Variants in ARAP3 observed in about 807,000 individuals in gnomAD.
ARAP3 encodes arf-GAP with Rho-GAP domain, ANK repeat and PH domain-containing protein 3.
A neutral mutation model predicts 169.2 loss-of-function variants in ARAP3; 82 were observed. The observed-to-expected ratio is 0.48, with a 90% confidence interval of 0.41 to 0.58. ARAP3 has a LOEUF of 0.58. Ranked by LOEUF, ARAP3 falls within the 20% of genes least tolerant of loss-of-function variation. The probability of loss-of-function intolerance (pLI) is 0.00; values close to 1 mark genes in which losing one functional copy is unlikely to be tolerated. For synonymous variants in ARAP3, 791 were observed against 800.3 expected (o/e 0.99, Z 0.20); for missense variants, 1,764 against 2,018.0 (o/e 0.87, Z 2.41).
At chr5:141,678,152 T>C (rs894372847) in intron 4 of ARAP3, among the ~76,000 whole-genome samples, 63 of 152,292 alleles carry the variant, frequency 4.1e-4, no homozygotes, top group African/African-American at 1.4e-3. Context: ...GGTTTCACCA[T>C]GTTGACTAGG....
chr5:141,660,115 T>G (rs1199591281), intron 21 of ARAP3, among the ~76,000 whole-genome samples, 189 bp from the exon 22 acceptor site: 1 of 152,192 alleles, frequency 6.6e-6, no homozygotes. Context: ...AAGGGACAGA[T>G]AGTAGACATT....
chr5:141,664,650 C>T (rs903007913), intron 19 of ARAP3, among the ~76,000 whole-genome samples: 2 of 152,180 alleles, frequency 1.3e-5, no homozygotes, highest in Non-Finnish European at 2.9e-5. Context: ...AGGCCCTGCG[C>T]TCAAGGCTTG....
intron 4 of ARAP3, among the ~76,000 whole-genome samples, chr5:141,676,660 C>G (rs2099912227): frequency 6.6e-6 from 1 of 152,172 alleles, no homozygotes; most frequent in African/African-American, 2.4e-5. Context: ...CCTATGACAT[C>G]ACATTCTCCT....
rs922451874 is a variant in ARAP3 at position 141,654,178 on chromosome 5, G to A, written c.4407C>T (p.Pro1469=). The part of the protein sequence containing the change: ...EERPPEPPPG[P]PSKSSPQARG... Reference sequence around the variant, plus strand: ...GTGCCTGGGGACTGCTCTTTGAAGGGGGGCCTGGAGGGGGCTCAGGTGGCC... The same window carrying A: ...GTGCCTGGGGACTGCTCTTTGAAGGAGGGCCTGGAGGGGGCTCAGGTGGCC... Residue 1469 remains proline (P), a synonymous_variant, in exon 33 of 33, where the codon CCC becomes CCT. Transcript: ENST00000239440. The A allele has an allele frequency of 1.9e-6, 3 of 1,613,932 alleles. No homozygotes were observed. The highest frequency in any genetic ancestry group is 3.3e-4 in the Middle Eastern group (2 of 6,062).
Position 141,655,385 on chromosome 5 carries a change from G to T in ARAP3, c.4126C>A (p.Arg1376=). 6.3e-7 allele frequency: 1 copy of T among 1,585,470 alleles called. No homozygotes were observed. ...ACAAAGAACATGGACAGGGTCCTCC[G>T]GTTGTGTAGTCGCCGCTGGACACAG... ...ANQTLRRLHN[R]RTLSMFFPMK... The change falls in exon 32 of 33, where the codon CGG becomes AGG. Residue 1376 remains arginine (R), a synonymous_variant. Transcript: ENST00000239440.
intron 2 of ARAP3, 56 bp from the exon 3 acceptor site, chr5:141,679,878 A>T (rs2099912738): frequency 6.2e-7 from 1 of 1,610,792 alleles, no homozygotes; most frequent in Admixed American, 1.7e-5. Flanking sequence ...ACAAGCCTTC[A>T]TGCCCTGCTC....
At chr5:141,667,481 TGGAGTA>T (rs2099910817) in intron 16 of ARAP3, among the ~76,000 whole-genome samples, 2 of 149,300 alleles carry the variant, frequency 1.3e-5, no homozygotes, top group African/African-American at 4.9e-5. Flanking sequence ...TCTCCCAGGG[TGGAGTA>T]CAGTGGCATG....
In ARAP3 at chr5:141,672,968, A is replaced by C. The variant is rs767766335; in HGVS notation, c.1094-43T>G. On this transcript the variant is annotated intron_variant, in intron 7 of 32. Transcript: ENST00000239440. The surrounding 1 kb of genome is among the most constrained non-coding windows in gnomAD (Gnocchi z 4.9). ...GCAGGTCAGTGGCTGTTGCTCACACAGCCTCCCTCCCTCCTGCCCTGACTC... is the reference window on the plus strand; with the variant it reads ...GCAGGTCAGTGGCTGTTGCTCACACCGCCTCCCTCCCTCCTGCCCTGACTC... The C allele has an allele frequency of 9.3e-6, 15 of 1,612,664 alleles. No individual in the cohort carries two copies. Among genetic ancestry groups the C allele is most frequent in the Non-Finnish European group, 1.3e-5 (15 of 1,179,198 alleles).
chr5:141,665,052 G>A lies in ARAP3; in HGVS notation c.2670C>T (p.Asp890=). The A allele has an allele frequency of 1.9e-6, 3 of 1,613,702 alleles. No homozygotes were observed. The highest frequency in any genetic ancestry group is 2.5e-6 in the Non-Finnish European group (3 of 1,179,818). Residue 890 remains aspartate, a synonymous_variant, in exon 19 of 33, where the codon GAC becomes GAT. Transcript: ENST00000239440. ...CAATGGCTGCGTTCCATGCCGTGAA[G>A]TCCAGCCGGCCCTCTCCTTGCAGAT... ...TLYLQGEGRL[D]FTAWNAAIGG... is the part of the protein sequence containing the mutation.
chr5:141,667,038 T>G (rs1191480308), intron 16 of ARAP3, among the ~76,000 whole-genome samples: 1 of 152,054 alleles, frequency 6.6e-6, no homozygotes, highest in Non-Finnish European at 1.5e-5. Context: ...GCCTCCTGAG[T>G]AGCTGGGACT....
intron 16 of ARAP3, 83 bp from the exon 17 acceptor site, chr5:141,666,726 T>G: frequency 7.6e-6 from 5 of 656,498 alleles, no homozygotes; most frequent in South Asian, 4.8e-5. Context: ...GTGACCGGGG[T>G]AGCGAAAAGC....
chr5:141,658,315 A>T, intron 25 of ARAP3, 50 bp downstream of exon 25: 1 of 1,578,572 alleles, frequency 6.3e-7, no homozygotes, highest in Non-Finnish European at 8.7e-7. Flanking sequence ...CCACACAACC[A>T]CACACACGCA....
intron 16 of ARAP3, among the ~76,000 whole-genome samples, chr5:141,668,997 T>C (rs961746388): frequency 2.0e-5 from 3 of 152,166 alleles, no homozygotes; most frequent in Non-Finnish European, 2.9e-5. Context: ...TGTCTTAGGA[T>C]GGGAGAGACT....
chr5:141,674,444 G>C (rs146131288), intron 4 of ARAP3, among the ~76,000 whole-genome samples: 1 of 152,142 alleles, frequency 6.6e-6, no homozygotes, highest in African/African-American at 2.4e-5. Context: ...TTTTAGTAGA[G>C]ATGAGGTCTC....
In ARAP3 at chr5:141,666,633, G is replaced by A. The variant is rs2099910683; in HGVS notation, c.2363C>T (p.Pro788Leu). 6 of 1,426,002 alleles carry A rather than the reference G, an allele frequency of 4.2e-6. No homozygotes were observed. The highest frequency in any genetic ancestry group is 5.5e-6 in the Non-Finnish European group (6 of 1,082,674). The allele number at this position is 1,426,002 out of a possible 1,614,324, so 88.3% of individuals were successfully genotyped here. A position where few individuals can be genotyped will look rare whatever the true frequency, so the allele number is the denominator to read the frequency against. Residue 788 changes from proline to leucine, a missense_variant, in exon 17 of 33, where the codon CCG becomes CTG. By Grantham distance (98) the Pro-to-Leu change is moderately conservative. Around this residue, in one of 3 missense-constraint regions of ARAP3, gnomAD observed 1,112 missense variants for 1,285.7 expected, o/e 0.86. Transcript: ENST00000239440. ...GCCCAGCAGCTGGTGGCAGCTCAGC[G>A]GGGAGAACCACTGTAGAGGCAGGGG... ...WTSAVGKWFSPLSCHQLLGPG... is the reference protein window; with the variant it reads ...WTSAVGKWFSLLSCHQLLGPG...
At chr5:141,670,095 A>G (rs746629542) in intron 14 of ARAP3, 32 bp from the exon 15 acceptor site, 10 of 1,579,990 alleles carry the variant, frequency 6.3e-6, no homozygotes. Flanking sequence ...AGGGAGCAGC[A>G]GACCTCTGCC....
chr5:141,671,494 A>G lies in ARAP3; in HGVS notation c.1854+76T>C, dbSNP rs765516800. The G allele has an allele frequency of 2.7e-5, 44 of 1,605,220 alleles. No homozygotes were observed. Among genetic ancestry groups the G allele is most frequent in the Non-Finnish European group, 3.7e-5 (43 of 1,175,976 alleles). On this transcript the variant is annotated intron_variant, in intron 12 of 32. Coordinates refer to ENST00000239440, the MANE Select transcript of ARAP3 (RefSeq NM_022481.6). The surrounding 1 kb of genome is among the most constrained non-coding windows in gnomAD (Gnocchi z 4.9). ...TCACTAAAAACAGTCCCCACCACCC[A>G]AGTCTAGGCATTCCAACTCCAGAGA...
chr5:141,665,014 C>T lies in ARAP3; in HGVS notation c.2708G>A (p.Gly903Asp). ...AWNAAIGGAA[G>D]GGGTGLQEQQ... is the part of the protein sequence containing the mutation. ...CTCCTGCAGCCCTGTGCCGCCCCCA[C>T]CAGCCGCGCCCCCAATGGCTGCGTT... Residue 903 changes from glycine (G) to aspartate (D), a missense_variant, in exon 19 of 33, where the codon GGT (glycine) becomes GAT (aspartate). By Grantham distance (94) the Gly-to-Asp change is moderately conservative (BLOSUM62 -1). Around this residue, in one of 3 missense-constraint regions of ARAP3, gnomAD observed 1,112 missense variants for 1,285.7 expected, o/e 0.86. Transcript: ENST00000239440. 3 of 1,614,060 alleles carry T rather than the reference C, an allele frequency of 1.9e-6. No homozygotes were observed. Among genetic ancestry groups the T allele is most frequent in the Non-Finnish European group, 2.5e-6 (3 of 1,180,000 alleles).
At position 141,672,357 on chromosome 5, in the gene ARAP3, C is replaced by G. The variant is rs1304447199; in HGVS notation, c.1386-56G>C. 1 of 1,599,634 alleles carries G rather than the reference C, an allele frequency of 6.3e-7. No individual in the cohort carries two copies. Among genetic ancestry groups the G allele is most frequent in the Non-Finnish European group, 8.5e-7 (1 of 1,171,692 alleles). ...GGACCTACCTGCCATGTCCCATCCC[C>G]CTGGCTCTTCCTGCAGGAGCCACCA... On this transcript the variant is annotated intron_variant, in intron 9 of 32. Transcript: ENST00000239440. The surrounding 1 kb of genome is among the most constrained non-coding windows in gnomAD (Gnocchi z 4.9).
Sources: gnomAD v4.1 joint callset for allele counts (sites outside exome capture counted in the v4.1 genomes callset) on GRCh38, gnomAD v4.1.1 for gene constraint, gnomAD v4.1.1 regional missense constraint, Gnocchi (gnomAD v3.1) non-coding constraint, MANE v1.5 for transcripts, NCBI Gene and HGNC (gene_info 2026-07-23, HGNC 2026-07-21) for gene names.